Variants in PDZRN4 observed in about 807,000 individuals in gnomAD.
PDZRN4 encodes the protein PDZ domain containing ring finger 4.
In PDZRN4, 70 loss-of-function variants were observed where a neutral mutation model predicts 99.0. That is an observed-to-expected ratio of 0.71 (90% CI 0.58 to 0.86). The LOEUF (loss-of-function observed/expected upper bound fraction) is 0.86, where lower values mean the gene tolerates loss of function less well. Ranked by LOEUF, PDZRN4 falls within the 40% of genes least tolerant of loss-of-function variation. PDZRN4 has a pLI of 0.00. For synonymous variants in PDZRN4, 551 were observed against 501.6 expected (o/e 1.10, Z -1.32); for missense variants, 1,474 against 1,331.2 (o/e 1.11, Z -1.67).
intron 3 of PDZRN4, among the ~76,000 whole-genome samples, chr12:41,251,953 A>C (rs1342509071): frequency 6.6e-6 from 1 of 152,042 alleles, no homozygotes; most frequent in East Asian, 1.9e-4. Context: ...CTGTCTCTAC[A>C]AAAAATACAA....
chr12:41,543,846 A>G (rs1456733587), intron 5 of PDZRN4, among the ~76,000 whole-genome samples: 2 of 152,184 alleles, frequency 1.3e-5, no homozygotes, highest in Admixed American at 1.3e-4. Context: ...AATGATCACT[A>G]TACCCAGTGA....
chr12:41,485,572 G>T (rs894651459), intron 3 of PDZRN4, among the ~76,000 whole-genome samples: 1 of 150,596 alleles, frequency 6.6e-6, no homozygotes. Flanking sequence ...TCTCTCTTCC[G>T]AGTCCTGCTC....
At chr12:41,457,613 A>G (rs1952827071) in intron 3 of PDZRN4, among the ~76,000 whole-genome samples, 1 of 152,206 alleles carries the variant, frequency 6.6e-6, no homozygotes, top group Admixed American at 6.5e-5. Flanking sequence ...GGTTATACCT[A>G]CATTTTCTAG....
chr12:41,439,066 T>G (rs537643980), intron 3 of PDZRN4, among the ~76,000 whole-genome samples: 1 of 152,274 alleles, frequency 6.6e-6, no homozygotes, highest in South Asian at 2.1e-4. Flanking sequence ...TTGCTACACA[T>G]GAAACAGCCT....
chr12:41,378,959 G>C (rs890428775), intron 3 of PDZRN4, among the ~76,000 whole-genome samples: 1 of 152,176 alleles, frequency 6.6e-6, no homozygotes, highest in Non-Finnish European at 1.5e-5. Context: ...GTTCACATGT[G>C]TAGTAATCTA....
chr12:41,260,994 AG>A (rs1045497805), intron 3 of PDZRN4, among the ~76,000 whole-genome samples: 2 of 152,142 alleles, frequency 1.3e-5, no homozygotes, highest in African/African-American at 4.8e-5. Context: ...CCTTTTAATT[AG>A]AAAAAAACAT....
At chr12:41,211,971 T>G (rs1179581920) in intron 3 of PDZRN4, among the ~76,000 whole-genome samples, 2 of 151,978 alleles carry the variant, frequency 1.3e-5, no homozygotes, top group Non-Finnish European at 2.9e-5. Context: ...TTAGTTTAGT[T>G]TTATGGAGAA....
At chr12:41,564,721 G>A (rs1051957552) in intron 8 of PDZRN4, among the ~76,000 whole-genome samples, 2 of 152,010 alleles carry the variant, frequency 1.3e-5, no homozygotes, top group Non-Finnish European at 2.9e-5. Context: ...TCTTAGGAGT[G>A]GGGAAAAAAG....
At chr12:41,240,087 T>C (rs953180692) in intron 3 of PDZRN4, among the ~76,000 whole-genome samples, 1 of 152,078 alleles carries the variant, frequency 6.6e-6, no homozygotes, top group African/African-American at 2.4e-5. Context: ...TTGTATTGCA[T>C]ATTGTATTTT....
chr12:41,405,510 C>T (rs1034519631), intron 3 of PDZRN4, among the ~76,000 whole-genome samples: 6 of 152,110 alleles, frequency 3.9e-5, no homozygotes, highest in Admixed American at 2.0e-4. Flanking sequence ...GAATGTAAAT[C>T]AGTTCAGCCA....
chr12:41,317,130 T>G (rs1008331714), intron 3 of PDZRN4, among the ~76,000 whole-genome samples: 2 of 146,530 alleles, frequency 1.4e-5, no homozygotes, highest in Admixed American at 1.4e-4. Context: ...TATGTATATT[T>G]GCATAATTCT....
chr12:41,519,683 C>G (rs1244724085), intron 5 of PDZRN4, among the ~76,000 whole-genome samples: 1 of 151,994 alleles, frequency 6.6e-6, no homozygotes, highest in Non-Finnish European at 1.5e-5. Flanking sequence ...CTTAGCCCAC[C>G]AAGTCTGGGT....
intron 3 of PDZRN4, among the ~76,000 whole-genome samples, chr12:41,424,638 A>G (rs1341676514): frequency 2.4e-5 from 3 of 123,996 alleles, no homozygotes; most frequent in East Asian, 4.2e-4. Context: ...TAGTCATGCT[A>G]AGCTATGCTG....
intron 5 of PDZRN4, among the ~76,000 whole-genome samples, chr12:41,511,882 C>T (rs1053634016): frequency 2.6e-5 from 4 of 152,126 alleles, no homozygotes; most frequent in South Asian, 4.1e-4. Context: ...ATGTGTTGCA[C>T]TTTTACTGTT....
intron 3 of PDZRN4, among the ~76,000 whole-genome samples, chr12:41,335,356 C>T (rs1951765859): frequency 6.6e-6 from 1 of 151,870 alleles, no homozygotes; most frequent in South Asian, 2.1e-4. Flanking sequence ...TGTTGGTGTG[C>T]TGCACCCATT....
intron 3 of PDZRN4, among the ~76,000 whole-genome samples, chr12:41,217,452 T>C (rs775441923): frequency 2.0e-5 from 3 of 152,004 alleles, no homozygotes; most frequent in Non-Finnish European, 4.4e-5. Flanking sequence ...TGCAGAGCCA[T>C]CTCAAAACAA....
chr12:41,418,334 C>T (rs986505693), intron 3 of PDZRN4, among the ~76,000 whole-genome samples: 1 of 152,102 alleles, frequency 6.6e-6, no homozygotes, highest in Non-Finnish European at 1.5e-5. Flanking sequence ...TCTGCTGGTG[C>T]ATTATCTGAA....
chr12:41,287,695 A>C (rs1951430434), intron 3 of PDZRN4, among the ~76,000 whole-genome samples: 1 of 152,216 alleles, frequency 6.6e-6, no homozygotes, highest in South Asian at 2.1e-4. Flanking sequence ...CAACCTAATC[A>C]AATAGAAAAC....
chr12:41,247,166 G>A lies in PDZRN4; in HGVS notation c.843+52978G>A, dbSNP rs758686630. 3.9e-5 allele frequency among the ~76,000 whole-genome samples: 6 copies of A among 152,216 alleles called. No individual in the cohort carries two copies. The East Asian group carries it at 7.7e-4, about 20-fold the overall frequency. Reference sequence around the variant, plus strand: ...AATACCAAAATAATCATGGTCCAAGGTACAACATAAGTAAAAATGTTTAGA... The same window carrying A: ...AATACCAAAATAATCATGGTCCAAGATACAACATAAGTAAAAATGTTTAGA... On this transcript the variant is annotated intron_variant, in intron 3 of 9. Transcript: ENST00000402685.
Sources: allele counts gnomAD v4.1 joint callset (sites outside exome capture counted in the v4.1 genomes callset), GRCh38; gene constraint gnomAD v4.1.1; transcripts MANE v1.5; gene names NCBI Gene and HGNC (gene_info 2026-07-23, HGNC 2026-07-21).